EPS15: variants seen among roughly 807,000 people sequenced by gnomAD.
EPS15 encodes the protein epidermal growth factor receptor substrate 15.
Under a neutral mutation model 113.8 loss-of-function variants are expected in EPS15, and 72 were observed. The ratio of observed to expected loss-of-function variants is 0.63; its 90% confidence interval spans 0.52 to 0.77. EPS15 has a LOEUF of 0.77. Ranked by LOEUF, EPS15 falls within the 30% of genes least tolerant of loss-of-function variation. EPS15 has a pLI of 0.00. For missense variants in EPS15, 1,048 were observed against 1,045.8 expected (o/e 1.00, Z -0.03); for synonymous variants, 344 against 363.4 (o/e 0.95, Z 0.61).
At chr1:51,371,082 T>A (rs1014025845) in intron 21 of EPS15, among the ~76,000 whole-genome samples, 1 of 150,496 alleles carries the variant, frequency 6.6e-6, no homozygotes, top group Non-Finnish European at 1.5e-5. Flanking sequence ...ACCCAGCTAA[T>A]TTTTTTTGTA....
At chr1:51,397,388 G>A (rs1453254786) in intron 20 of EPS15, among the ~76,000 whole-genome samples, 3 of 152,172 alleles carry the variant, frequency 2.0e-5, no homozygotes, top group Non-Finnish European at 2.9e-5. Flanking sequence ...GGGAATAAAA[G>A]TCAGTAAAAC....
intron 21 of EPS15, among the ~76,000 whole-genome samples, chr1:51,383,596 G>A (rs1280342568): frequency 6.6e-6 from 1 of 152,182 alleles, no homozygotes; most frequent in African/African-American, 2.4e-5. Context: ...GATCTGACAG[G>A]AAGCGGAGCT....
At chr1:51,508,236 A>AAGAAAAGAAG (rs1644537996) in intron 1 of EPS15, among the ~76,000 whole-genome samples, 1 of 92,586 alleles carries the variant, frequency 1.1e-5, no homozygotes, top group African/African-American at 4.4e-5. Flanking sequence ...AAGAAAAGAA[A>AAGAAAAGAAG]AGAAAGAGAG....
chr1:51,414,677 T>A (rs1316442598), intron 13 of EPS15, among the ~76,000 whole-genome samples: 1 of 152,196 alleles, frequency 6.6e-6, no homozygotes, highest in African/African-American at 2.4e-5. Context: ...ATATTCTTTA[T>A]CTACTTCATG....
chr1:51,473,015 C>A (rs1655351821), intron 2 of EPS15, 67 bp from the exon 3 acceptor site: 1 of 1,179,184 alleles, frequency 8.5e-7, no homozygotes, highest in Non-Finnish European at 1.3e-6. Flanking sequence ...CATTTACCTG[C>A]CTTCCATCCC....
intron 12 of EPS15, among the ~76,000 whole-genome samples, chr1:51,439,507 T>C (rs1345840244): frequency 6.6e-6 from 1 of 152,092 alleles, no homozygotes; most frequent in Non-Finnish European, 1.5e-5. Context: ...CTGGTGTGAA[T>C]ATTTAGATAC....
intron 4 of EPS15, among the ~76,000 whole-genome samples, chr1:51,470,646 C>CAAAAA (rs10616476): frequency 1.4e-5 from 1 of 72,992 alleles, no homozygotes; most frequent in Non-Finnish European, 3.0e-5. Flanking sequence ...GGCTCTGTCT[C>CAAAAA]AAAAAAAAAA....
At chr1:51,401,139 A>C in intron 18 of EPS15, 186 bp from the exon 19 acceptor site, 1 of 447,332 alleles carries the variant, frequency 2.2e-6, no homozygotes, top group Non-Finnish European at 4.0e-6. Flanking sequence ...TACCTTGATC[A>C]CAAGTTGAGG....
chr1:51,490,668 G>A (rs941792593), intron 1 of EPS15, among the ~76,000 whole-genome samples: 1 of 151,906 alleles, frequency 6.6e-6, no homozygotes, highest in Admixed American at 6.6e-5. Context: ...CAGATACTAG[G>A]GAGTCGTCAG....
At chr1:51,362,637 T>A (rs1333721154) in intron 23 of EPS15, among the ~76,000 whole-genome samples, 1 of 152,134 alleles carries the variant, frequency 6.6e-6, no homozygotes, top group Non-Finnish European at 1.5e-5. Flanking sequence ...CTTAACTCAT[T>A]TACCTGATTT....
intron 1 of EPS15, among the ~76,000 whole-genome samples, chr1:51,489,311 G>C (rs552823762): frequency 7.8e-6 from 1 of 128,820 alleles, no homozygotes. Flanking sequence ...ATATATGTAT[G>C]TATGTATGTA....
At chr1:51,375,516 T>G (rs1646777019) in intron 21 of EPS15, among the ~76,000 whole-genome samples, 1 of 152,170 alleles carries the variant, frequency 6.6e-6, no homozygotes, top group Non-Finnish European at 1.5e-5. Flanking sequence ...GTAAGGTGGG[T>G]AAATGTCTTG....
In EPS15 at chr1:51,356,774, G is replaced by C. The variant is rs770815134; in HGVS notation, c.2617C>G (p.Arg873Gly). ...SEREEEQRLA[R>G]LNQQEQEDLE... ...TCTTCTTGTTCCTGCTGATTTAGTC[G>C]GGCAAGCCTCTGCTCTTCCTCTCTC... The change falls in exon 25 of 25, where the codon CGA (arginine) becomes GGA (glycine). Residue 873 changes from arginine (R) to glycine (G), a missense_variant. Physicochemically the swap from Arg to Gly is moderately radical, Grantham distance 125. Transcript: ENST00000371733. The C allele has an allele frequency of 3.1e-6, 5 of 1,613,688 alleles. No individual in the cohort carries two copies. Among genetic ancestry groups the C allele is most frequent in the Middle Eastern group, 1.6e-4 (1 of 6,062 alleles).
At chr1:51,364,479 A>G (rs1646461678) in intron 22 of EPS15, among the ~76,000 whole-genome samples, 2 of 151,644 alleles carry the variant, frequency 1.3e-5, no homozygotes, top group South Asian at 2.1e-4. Context: ...TTGACAAACT[A>G]TAAGGACAAC....
intron 24 of EPS15, among the ~76,000 whole-genome samples, chr1:51,359,415 G>A (rs763449047): frequency 7.3e-6 from 1 of 136,296 alleles, no homozygotes; most frequent in Non-Finnish European, 1.5e-5. Context: ...CTGCACTCCA[G>A]CCTGGCGACA....
chr1:51,445,707 C>T (rs977276275), intron 10 of EPS15, among the ~76,000 whole-genome samples: 1 of 151,756 alleles, frequency 6.6e-6, no homozygotes, highest in Non-Finnish European at 1.5e-5. Flanking sequence ...GCCAGTAGGG[C>T]CTGATGAAAA....
At chr1:51,478,314 C>G (rs989605638) in intron 2 of EPS15, among the ~76,000 whole-genome samples, 36 of 152,312 alleles carry the variant, frequency 2.4e-4, no homozygotes, top group African/African-American at 8.4e-4. Context: ...CTTGGTAGAT[C>G]TTCATCCATC....
intron 1 of EPS15, among the ~76,000 whole-genome samples, chr1:51,518,904 C>G (rs1170484265): frequency 1.3e-5 from 2 of 151,492 alleles, no homozygotes; most frequent in Admixed American, 6.6e-5. Flanking sequence ...ACCGGCAGAG[C>G]GCGGCCGGGT....
chr1:51,427,523 C>A (rs1489750191), intron 12 of EPS15, among the ~76,000 whole-genome samples: 1 of 152,156 alleles, frequency 6.6e-6, no homozygotes, highest in Non-Finnish European at 1.5e-5. Flanking sequence ...CAGGTAAGCA[C>A]TGTGGGACAG....
Sources: allele counts gnomAD v4.1 joint callset (sites outside exome capture counted in the v4.1 genomes callset), GRCh38; gene constraint gnomAD v4.1.1; transcripts MANE v1.5; gene names NCBI Gene and HGNC (gene_info 2026-07-23, HGNC 2026-07-21).